Variants in SYT10 observed in about 807,000 individuals in gnomAD.
The protein encoded by SYT10 is synaptotagmin 10, also known as synaptotagmin-10.
A neutral mutation model predicts 51.1 loss-of-function variants in SYT10; 31 were observed. That is an observed-to-expected ratio of 0.61 (90% CI 0.46 to 0.82). The LOEUF (loss-of-function observed/expected upper bound fraction) is 0.82, where lower values mean the gene tolerates loss of function less well. Ranked by LOEUF, SYT10 falls within the 40% of genes least tolerant of loss-of-function variation. SYT10 has a pLI of 0.00. For synonymous variants in SYT10, 233 were observed against 225.9 expected (o/e 1.03, Z -0.28); for missense variants, 603 against 634.0 (o/e 0.95, Z 0.53).
At chr12:33,434,418 T>C (rs180991597) in intron 1 of SYT10, among the ~76,000 whole-genome samples, 2 of 152,244 alleles carry the variant, frequency 1.3e-5, no homozygotes, top group East Asian at 3.9e-4. Flanking sequence ...GCAGAAGAGA[T>C]TTGGAGGTTA....
Position 33,407,206 on chromosome 12 carries a change from G to A in SYT10, c.660C>T (p.Asp220=), listed in dbSNP as rs965870334. The A allele has an allele frequency of 9.3e-6, 15 of 1,614,064 alleles. No homozygotes were observed. In the Admixed American group the frequency reaches 1.7e-4, roughly 18 times the overall value. ...KPELYKQKSV[D]SEGNQNEDVK... ...CATCTTCGTTTTGGTTGCCCTCAGA[G>A]TCAACTGATTTCTGTTTGTAGAGTT... is the stretch of plus-strand genomic sequence containing the variant. The change falls in exon 3 of 7, where the codon GAC becomes GAT. Residue 220 remains aspartate, a synonymous_variant. Transcript: ENST00000228567.
At chr12:33,401,251 A>G (rs1179606043) in intron 3 of SYT10, among the ~76,000 whole-genome samples, 1 of 152,170 alleles carries the variant, frequency 6.6e-6, no homozygotes, top group East Asian at 1.9e-4. Flanking sequence ...TTTTGTATAT[A>G]TAACTGAATA....
chr12:33,439,146 AC>A (rs1455482019), intron 1 of SYT10, among the ~76,000 whole-genome samples: 1 of 152,204 alleles, frequency 6.6e-6, no homozygotes, highest in Non-Finnish European at 1.5e-5. Context: ...CGGGAAGCGG[AC>A]CAGAGAATGG....
rs1234036813 is a variant in SYT10 at position 33,439,623 on chromosome 12, G to C, written c.-101C>G. ...TGGCGCCCTAAGCCATAGTCCGCCC[G>C]CGGTGACTTTGGCTGGAGATTGCGC... On this transcript the variant is annotated 5_prime_UTR_variant, in exon 1 of 7. Transcript: ENST00000228567. 7.0e-7 allele frequency: 1 copy of C among 1,422,894 alleles called. No homozygotes were observed. Among genetic ancestry groups the C allele is most frequent in the African/African-American group, 1.4e-5 (1 of 69,482 alleles). The allele number at this position is 1,422,894 out of a possible 1,614,324, so 88.1% of individuals were successfully genotyped here.
chr12:33,416,657 T>C (rs546279386), intron 2 of SYT10, among the ~76,000 whole-genome samples: 4 of 152,256 alleles, frequency 2.6e-5, no homozygotes, highest in African/African-American at 9.6e-5. Context: ...GTCACTATCA[T>C]GTAAATAGCC....
chr12:33,409,951 G>A (rs1866392020), intron 2 of SYT10, among the ~76,000 whole-genome samples: 1 of 152,116 alleles, frequency 6.6e-6, no homozygotes, highest in Non-Finnish European at 1.5e-5. Context: ...GGAAGGTGCA[G>A]GAAGATAAAC....
Position 33,406,996 on chromosome 12 carries a change from C to G in SYT10, c.870G>C (p.Lys290Asn), listed in dbSNP as rs1042570996. 1 of 1,614,096 alleles carries G rather than the reference C, an allele frequency of 6.2e-7. No individual in the cohort carries two copies. The highest frequency in any genetic ancestry group is 1.7e-5 in the Admixed American group (1 of 60,016). ...KKKFQTRVHR[K>N]TLNPLFDETF... ...TTTCATCAAATAGAGGATTTAAAGT[C>G]TTTCTGTGCACGCGGGTCTGAAATT... is the stretch of plus-strand genomic sequence containing the variant. Residue 290 changes from lysine (K) to asparagine (N), a missense_variant, in exon 3 of 7, where the codon AAG becomes AAC. Physicochemically the swap from Lys to Asn is moderately conservative, Grantham distance 94 (BLOSUM62 0). Coordinates refer to ENST00000228567, the MANE Select transcript of SYT10 (RefSeq NM_198992.4).
At chr12:33,409,441 TCCTGA>T (rs1488063772) in intron 2 of SYT10, among the ~76,000 whole-genome samples, 1 of 151,824 alleles carries the variant, frequency 6.6e-6, no homozygotes, top group Non-Finnish European at 1.5e-5. Flanking sequence ...GGTCTCAAAC[TCCTGA>T]CCTTAAGTGA....
At chr12:33,416,237 C>A (rs11052690) in intron 2 of SYT10, among the ~76,000 whole-genome samples, 18,841 of 152,050 alleles carry the variant, frequency 0.12, 1,333 homozygotes, top group Admixed American at 0.17. Flanking sequence ...TGTGCCACCA[C>A]GCCCCGCTGA....
intron 3 of SYT10, among the ~76,000 whole-genome samples, chr12:33,391,802 G>A (rs1443849495): frequency 2.0e-5 from 3 of 152,106 alleles, no homozygotes; most frequent in Non-Finnish European, 4.4e-5. Flanking sequence ...TTATCATAAG[G>A]TGAATGTTCA....
intron 2 of SYT10, among the ~76,000 whole-genome samples, chr12:33,421,996 G>A (rs1177125797): frequency 1.3e-5 from 2 of 151,860 alleles, no homozygotes; most frequent in Non-Finnish European, 2.9e-5. Flanking sequence ...TAAACAAGAT[G>A]AGGTCATTGA....
At chr12:33,417,254 T>A (rs1464611831) in intron 2 of SYT10, among the ~76,000 whole-genome samples, 1 of 152,106 alleles carries the variant, frequency 6.6e-6, no homozygotes, top group Non-Finnish European at 1.5e-5. Flanking sequence ...ATGGATTAAA[T>A]CCATTCATGA....
At chr12:33,439,143 C>G (rs1466581364) in intron 1 of SYT10, among the ~76,000 whole-genome samples, 1 of 152,244 alleles carries the variant, frequency 6.6e-6, no homozygotes, top group East Asian at 1.9e-4. Flanking sequence ...AGGCGGGAAG[C>G]GGACCAGAGA....
At chr12:33,398,979 T>G (rs1310176833) in intron 3 of SYT10, among the ~76,000 whole-genome samples, 1 of 152,224 alleles carries the variant, frequency 6.6e-6, no homozygotes, top group Non-Finnish European at 1.5e-5. Context: ...ATTAAGCACT[T>G]ACAGGCTACA....
At chr12:33,403,716 G>A (rs117154291) in intron 3 of SYT10, among the ~76,000 whole-genome samples, 1 of 151,866 alleles carries the variant, frequency 6.6e-6, no homozygotes, top group African/African-American at 2.4e-5. Flanking sequence ...AATAATTTCT[G>A]CATGAAATTC....
chr12:33,387,745 A>ACGTT (rs1866168920), intron 3 of SYT10, among the ~76,000 whole-genome samples: 1 of 78,962 alleles, frequency 1.3e-5, no homozygotes, highest in East Asian at 7.7e-4. Flanking sequence ...TCCTTCTAAC[A>ACGTT]TGTTTTTTTT....
intron 2 of SYT10, among the ~76,000 whole-genome samples, chr12:33,414,665 G>A (rs1866437681): frequency 6.6e-6 from 1 of 152,194 alleles, no homozygotes; most frequent in African/African-American, 2.4e-5. Context: ...GAATCTCTGG[G>A]ACACATTGAA....
intron 3 of SYT10, among the ~76,000 whole-genome samples, chr12:33,394,153 G>A (rs569869749): frequency 7.9e-5 from 12 of 152,290 alleles, no homozygotes; most frequent in Admixed American, 3.9e-4. Flanking sequence ...ACTGGTATTT[G>A]ATAGGTGCCA....
chr12:33,437,204 T>C (rs190514498), intron 1 of SYT10, among the ~76,000 whole-genome samples: 15 of 152,358 alleles, frequency 9.8e-5, no homozygotes, highest in Admixed American at 9.1e-4. Flanking sequence ...CACAACTTAG[T>C]AGAATATCTT....
Sources: gnomAD v4.1 joint callset for allele counts (sites outside exome capture counted in the v4.1 genomes callset) on GRCh38, gnomAD v4.1.1 for gene constraint, MANE v1.5 for transcripts, NCBI Gene and HGNC (gene_info 2026-07-23, HGNC 2026-07-21) for gene names.